Variants in MAPKAP1 observed in about 807,000 individuals in gnomAD.
MAPKAP1 encodes MAPK associated protein 1, also known as target of rapamycin complex 2 subunit MAPKAP1.
In MAPKAP1, 20 loss-of-function variants were observed where a neutral mutation model predicts 65.7. The observed-to-expected ratio is 0.30, with a 90% CI of 0.21 to 0.44. MAPKAP1 has a LOEUF of 0.44. Among genes scored for constraint, MAPKAP1 ranks in the 20% least tolerant of loss-of-function variants. The pLI is 1.00. For synonymous variants in MAPKAP1, 222 were observed against 244.3 expected, an observed-to-expected ratio of 0.91 and a Z score of 0.85; for missense variants, 423 against 648.0, an observed-to-expected ratio of 0.65 and a Z score of 3.77.
chr9:125,692,783 T>C (rs1306598490), intron 1 of MAPKAP1, among the ~76,000 whole-genome samples: 2 of 152,188 alleles, frequency 1.3e-5, no homozygotes, highest in African/African-American at 2.4e-5. Context: ...ATAAGCAGAA[T>C]TGGCAACAGT....
chr9:125,591,193 G>A (rs1831951049), intron 4 of MAPKAP1, among the ~76,000 whole-genome samples: 1 of 152,190 alleles, frequency 6.6e-6, no homozygotes, highest in African/African-American at 2.4e-5. Flanking sequence ...TGACTCCAAA[G>A]GCCCTACTGT....
At chr9:125,533,971 G>A (rs1830004229) in intron 7 of MAPKAP1, among the ~76,000 whole-genome samples, 1 of 151,946 alleles carries the variant, frequency 6.6e-6, no homozygotes, top group African/African-American at 2.4e-5. Context: ...TAAAATGTGT[G>A]GTCACTCTAA....
chr9:125,578,465 A>G (rs1441049102), intron 5 of MAPKAP1, among the ~76,000 whole-genome samples: 1 of 152,252 alleles, frequency 6.6e-6, no homozygotes, highest in African/African-American at 2.4e-5. Context: ...GCATAAAAAA[A>G]GATAGTTCTT....
chr9:125,486,546 C>T (rs1854504921), intron 8 of MAPKAP1, among the ~76,000 whole-genome samples: 1 of 152,176 alleles, frequency 6.6e-6, no homozygotes, highest in Non-Finnish European at 1.5e-5. Context: ...TTCCTTCCCA[C>T]AGTTACTGCT....
At chr9:125,506,274 G>T in intron 8 of MAPKAP1, 36 bp downstream of exon 8, 1 of 1,558,254 alleles carries the variant, frequency 6.4e-7, no homozygotes, top group Non-Finnish European at 8.9e-7. Flanking sequence ...AGTTTGCAAC[G>T]GACAAAGCGG....
At chr9:125,684,369 G>T (rs1226021797) in intron 1 of MAPKAP1, among the ~76,000 whole-genome samples, 3 of 151,988 alleles carry the variant, frequency 2.0e-5, no homozygotes, top group African/African-American at 7.3e-5. Context: ...TAGTAAACAT[G>T]GTACAATGCA....
chr9:125,646,079 A>C (rs1006787205), intron 4 of MAPKAP1, among the ~76,000 whole-genome samples: 2 of 152,234 alleles, frequency 1.3e-5, no homozygotes, highest in Non-Finnish European at 2.9e-5. Context: ...TCAACTGTAC[A>C]CAAAGGTATT....
At chr9:125,501,057 T>A (rs1211117815) in intron 8 of MAPKAP1, among the ~76,000 whole-genome samples, 3 of 152,196 alleles carry the variant, frequency 2.0e-5, no homozygotes, top group Non-Finnish European at 4.4e-5. Flanking sequence ...TCACAAGGAT[T>A]GTTACACTAA....
intron 7 of MAPKAP1, among the ~76,000 whole-genome samples, chr9:125,518,992 T>G (rs763226087): frequency 2.6e-5 from 4 of 152,162 alleles, no homozygotes; most frequent in Non-Finnish European, 5.9e-5. Flanking sequence ...TGACAGTAGA[T>G]CATTATAAGT....
chr9:125,678,324 G>A (rs1429188331), intron 1 of MAPKAP1, among the ~76,000 whole-genome samples: 1 of 151,550 alleles, frequency 6.6e-6, no homozygotes, highest in Non-Finnish European at 1.5e-5. Context: ...CTCACTGCAA[G>A]CTCCGCCTCC....
At chr9:125,617,201 C>T (rs141140034) in intron 4 of MAPKAP1, among the ~76,000 whole-genome samples, 3 of 152,312 alleles carry the variant, frequency 2.0e-5, no homozygotes, top group Non-Finnish European at 2.9e-5. Flanking sequence ...TGGCACATGC[C>T]TGTAATCTCA....
At chr9:125,680,295 C>G (rs1834783847) in intron 1 of MAPKAP1, among the ~76,000 whole-genome samples, 1 of 152,068 alleles carries the variant, frequency 6.6e-6, no homozygotes, top group Non-Finnish European at 1.5e-5. Flanking sequence ...TAAAAACCAA[C>G]AGACCCTCTT....
intron 11 of MAPKAP1, among the ~76,000 whole-genome samples, chr9:125,440,904 G>C (rs1159602874): frequency 6.6e-6 from 1 of 152,108 alleles, no homozygotes; most frequent in African/African-American, 2.4e-5. Flanking sequence ...GTGTATTTTT[G>C]GCACATATAA....
At chr9:125,611,430 GAGA>G (rs2131630579) in intron 4 of MAPKAP1, among the ~76,000 whole-genome samples, 1 of 152,266 alleles carries the variant, frequency 6.6e-6, no homozygotes, top group East Asian at 1.9e-4. Flanking sequence ...ATTAAGAGAT[GAGA>G]AGGATAAAAT....
intron 11 of MAPKAP1, among the ~76,000 whole-genome samples, chr9:125,440,223 T>C (rs971471846): frequency 2.6e-5 from 4 of 152,194 alleles, no homozygotes; most frequent in Non-Finnish European, 4.4e-5. Flanking sequence ...TCAGCGCTCA[T>C]GGAATCTTCA....
chr9:125,543,235 A>G lies in MAPKAP1; in HGVS notation c.849-67T>C. On this transcript the variant is annotated intron_variant, in intron 6 of 11. Transcript: ENST00000265960. ...CCAGAGAGATGTTACTGCAATCTTC[A>G]CTGTGTTTAAGCAAGTTTTTTTTGT... is the stretch of plus-strand genomic sequence containing the variant. 10 of 1,193,388 alleles carry G rather than the reference A, an allele frequency of 8.4e-6. No individual in the cohort carries two copies. In the South Asian group the frequency reaches 1.1e-4, roughly 13 times the overall value. The allele number at this position is 1,193,388 out of a possible 1,614,324, so 73.9% of individuals were successfully genotyped here. A position where few individuals can be genotyped will look rare whatever the true frequency, so the allele number is the denominator to read the frequency against.
intron 8 of MAPKAP1, among the ~76,000 whole-genome samples, chr9:125,491,681 C>T (rs905582357): frequency 1.3e-5 from 2 of 149,434 alleles, no homozygotes; most frequent in African/African-American, 4.9e-5. Context: ...CTGGGGAAGC[C>T]GAGGTGGGAG....
At chr9:125,550,850 G>C (rs1430761823) in intron 6 of MAPKAP1, among the ~76,000 whole-genome samples, 1 of 152,200 alleles carries the variant, frequency 6.6e-6, no homozygotes, top group Non-Finnish European at 1.5e-5. Flanking sequence ...GGTCCTCTAT[G>C]AATCAAGCAA....
intron 6 of MAPKAP1, chr9:125,559,312 C>T (rs1281454393): frequency 1.1e-5 from 2 of 188,948 alleles, no homozygotes; most frequent in South Asian, 1.8e-4. Flanking sequence ...GTGTATTCCT[C>T]GCAGAGAAGG....
Sources: allele counts gnomAD v4.1 joint callset (sites outside exome capture counted in the v4.1 genomes callset), GRCh38; gene constraint gnomAD v4.1.1; transcripts MANE v1.5; gene names NCBI Gene and HGNC (gene_info 2026-07-23, HGNC 2026-07-21).